TRIM44: variants seen among roughly 807,000 people sequenced by gnomAD.
The protein encoded by TRIM44 is tripartite motif containing 44.
Under a neutral mutation model 37.4 loss-of-function variants are expected in TRIM44, and 13 were observed. The ratio of observed to expected loss-of-function variants is 0.35; its 90% CI spans 0.23 to 0.55. TRIM44 has a LOEUF of 0.55. Among genes scored for constraint, TRIM44 ranks in the 20% least tolerant of loss-of-function variants. The pLI, the probability that TRIM44 is intolerant of heterozygous loss-of-function variation, is 0.89. For missense variants in TRIM44, 426 were observed against 437.2 expected (o/e 0.97, Z 0.23); for synonymous variants, 175 against 157.2 (o/e 1.11, Z -0.85).
chr11:35,800,557 A>C (rs899668735), intron 4 of TRIM44, among the ~76,000 whole-genome samples: 2 of 152,126 alleles, frequency 1.3e-5, no homozygotes, highest in African/African-American at 2.4e-5. Context: ...TGCATTTACA[A>C]TCCTTTAGCT....
chr11:35,738,631 C>G (rs573344250), intron 4 of TRIM44, among the ~76,000 whole-genome samples: 34 of 152,290 alleles, frequency 2.2e-4, no homozygotes, highest in African/African-American at 7.9e-4. Context: ...AGGCAAATTG[C>G]CTTTGATCTG....
chr11:35,765,334 A>G (rs1852782993), intron 4 of TRIM44, among the ~76,000 whole-genome samples: 1 of 152,214 alleles, frequency 6.6e-6, no homozygotes, highest in African/African-American at 2.4e-5. Flanking sequence ...AAGAATTATA[A>G]TCTACCAGTA....
chr11:35,757,779 G>T (rs1447273172), intron 4 of TRIM44, among the ~76,000 whole-genome samples: 1 of 152,172 alleles, frequency 6.6e-6, no homozygotes, highest in African/African-American at 2.4e-5. Context: ...TCAGGAGCAG[G>T]TTGTTCAGTT....
At chr11:35,764,849 G>A (rs1416697581) in intron 4 of TRIM44, among the ~76,000 whole-genome samples, 1 of 152,006 alleles carries the variant, frequency 6.6e-6, no homozygotes, top group East Asian at 1.9e-4. Context: ...TCAGTTAAAT[G>A]ATTACTTTGA....
At position 35,724,712 on chromosome 11, in the gene TRIM44, G is replaced by A. The variant is rs1049066632; in HGVS notation, c.748-1212G>A. On this transcript the variant is annotated intron_variant, in intron 2 of 4. Transcript: ENST00000299413. Reference sequence around the variant, plus strand: ...CTAGCAGTTGTATTTTCTTTGGTTTGCAGTTGTTATAAAATAAAACAATAA... The same window carrying A: ...CTAGCAGTTGTATTTTCTTTGGTTTACAGTTGTTATAAAATAAAACAATAA... 5.3e-5 allele frequency among the ~76,000 whole-genome samples: 8 copies of A among 152,068 alleles called. No individual in the cohort carries two copies. In the South Asian group the frequency reaches 6.2e-4, roughly 12 times the overall value.
intron 1 of TRIM44, among the ~76,000 whole-genome samples, chr11:35,676,352 C>T (rs578066708): frequency 1.3e-5 from 2 of 152,306 alleles, no homozygotes. Context: ...GCTCTGGACA[C>T]CAAGTTTCTT....
intron 2 of TRIM44, among the ~76,000 whole-genome samples, chr11:35,689,843 A>C (rs891024834): frequency 2.0e-5 from 3 of 152,210 alleles, no homozygotes; most frequent in Non-Finnish European, 2.9e-5. Flanking sequence ...AAAGTACAAC[A>C]TGCTAAGCTC....
intron 4 of TRIM44, among the ~76,000 whole-genome samples, chr11:35,782,313 C>T (rs1853077392): frequency 6.6e-6 from 1 of 152,100 alleles, no homozygotes; most frequent in Non-Finnish European, 1.5e-5. Flanking sequence ...GAATGAAATT[C>T]TTGGCAGAGG....
chr11:35,741,666 C>T (rs1465231261), intron 4 of TRIM44, among the ~76,000 whole-genome samples: 1 of 152,192 alleles, frequency 6.6e-6, no homozygotes, highest in Non-Finnish European at 1.5e-5. Context: ...AGTTACGATG[C>T]TTGGCAGGCT....
intron 4 of TRIM44, among the ~76,000 whole-genome samples, chr11:35,766,750 T>C (rs1356874737): frequency 6.6e-6 from 1 of 152,196 alleles, no homozygotes; most frequent in Admixed American, 6.5e-5. Flanking sequence ...TCAGTGACCA[T>C]GAATAAGCTC....
intron 2 of TRIM44, among the ~76,000 whole-genome samples, chr11:35,695,796 T>G (rs187890778): frequency 9.9e-5 from 15 of 152,268 alleles, no homozygotes; most frequent in Non-Finnish European, 1.6e-4. Context: ...ATTAATAGCA[T>G]ATACTCAGAC....
At chr11:35,669,811 T>C (rs1851372961) in intron 1 of TRIM44, among the ~76,000 whole-genome samples, 2 of 151,538 alleles carry the variant, frequency 1.3e-5, no homozygotes. Context: ...TTTTTCTGTT[T>C]GTTTGTTTTT....
At chr11:35,708,551 G>T (rs1182647802) in intron 2 of TRIM44, among the ~76,000 whole-genome samples, 2 of 151,768 alleles carry the variant, frequency 1.3e-5, no homozygotes, top group East Asian at 1.9e-4. Context: ...AGAAAATGTG[G>T]CACATATACA....
intron 2 of TRIM44, among the ~76,000 whole-genome samples, chr11:35,720,999 G>A (rs1852100346): frequency 6.6e-6 from 1 of 151,634 alleles, no homozygotes; most frequent in Admixed American, 6.6e-5. Context: ...CGCCTCCCAG[G>A]TTCAAGCGAT....
At chr11:35,704,763 A>G (rs1851850112) in intron 2 of TRIM44, among the ~76,000 whole-genome samples, 1 of 152,186 alleles carries the variant, frequency 6.6e-6, no homozygotes, top group Non-Finnish European at 1.5e-5. Flanking sequence ...TGAAGGAAGC[A>G]CTAAACATGC....
intron 4 of TRIM44, among the ~76,000 whole-genome samples, chr11:35,767,932 A>G (rs1029837544): frequency 4.6e-5 from 7 of 152,192 alleles, no homozygotes. Context: ...TGGCAGCTGC[A>G]GTGGAAATTT....
At chr11:35,768,814 G>A (rs1239434729) in intron 4 of TRIM44, among the ~76,000 whole-genome samples, 1 of 152,158 alleles carries the variant, frequency 6.6e-6, no homozygotes, top group Non-Finnish European at 1.5e-5. Flanking sequence ...GTAAATGGGT[G>A]TTCTTGATGG....
At chr11:35,740,441 T>A (rs1288503302) in intron 4 of TRIM44, among the ~76,000 whole-genome samples, 1 of 152,022 alleles carries the variant, frequency 6.6e-6, no homozygotes, top group Non-Finnish European at 1.5e-5. Flanking sequence ...GCTATTGAGG[T>A]TTTCTGTAAT....
rs545147638 is a variant in TRIM44 at position 35,783,229 on chromosome 11, C to T, written c.1008-23129C>T. On this transcript the variant is annotated intron_variant, in intron 4 of 4. Transcript: ENST00000299413. ...TCACAAAGCTAGTATATAGCAGAGCCCTCAGGATTCAAACTTCATTTCTCC... is the reference window on the plus strand; with the variant it reads ...TCACAAAGCTAGTATATAGCAGAGCTCTCAGGATTCAAACTTCATTTCTCC... 7.2e-5 allele frequency among the ~76,000 whole-genome samples: 11 copies of T among 152,198 alleles called. No individual in the cohort carries two copies. In the East Asian group the frequency reaches 2.1e-3, roughly 29 times the overall value.
Sources: gnomAD v4.1 joint callset for allele counts (sites outside exome capture counted in the v4.1 genomes callset) on GRCh38, gnomAD v4.1.1 for gene constraint, MANE v1.5 for transcripts, NCBI Gene and HGNC (gene_info 2026-07-23, HGNC 2026-07-21) for gene names.